Variants in ANKRD30B observed in about 807,000 individuals in gnomAD.
The protein encoded by ANKRD30B is ankyrin repeat domain-containing protein 30B.
Under a neutral mutation model 202.2 loss-of-function variants are expected in ANKRD30B, and 144 were observed. That is an observed-to-expected ratio of 0.71 (90% CI 0.62 to 0.82). The LOEUF (loss-of-function observed/expected upper bound fraction) is 0.82. ANKRD30B is among the 40% of genes least tolerant of loss of function. The pLI, the probability that ANKRD30B is intolerant of heterozygous loss-of-function variation, is 0.00. For missense variants in ANKRD30B, 1,487 were observed against 1,669.1 expected (o/e 0.89, Z 1.90); for synonymous variants, 508 against 561.3 (o/e 0.91, Z 1.34).
chr18:14,850,511 T>G, intron 41 of ANKRD30B, 129 bp downstream of exon 41: 1 of 993,098 alleles, frequency 1.0e-6, no homozygotes, highest in Non-Finnish European at 1.4e-6. Flanking sequence ...TAAAATTAAC[T>G]ATGACTTTTG....
chr18:14,876,849 T>C, the ANKRD30B span, among the ~76,000 whole-genome samples: 1 of 152,226 alleles, frequency 6.6e-6, no homozygotes, highest in Non-Finnish European at 1.5e-5. Context: ...GAGCTTTGTT[T>C]AGCCAGGTTT....
the ANKRD30B span, among the ~76,000 whole-genome samples, chr18:14,912,109 T>A: frequency 6.6e-6 from 1 of 152,180 alleles, no homozygotes; most frequent in South Asian, 2.1e-4. Flanking sequence ...GAATGTCTTT[T>A]GATTTATTTT....
chr18:14,759,183 G>T (rs1394695540), intron 5 of ANKRD30B: 1 of 152,176 alleles, frequency 6.6e-6, no homozygotes, highest in African/African-American at 2.4e-5. Flanking sequence ...TAAAAGTAGG[G>T]ATTTGTGCTG....
At chr18:14,820,574 G>C (rs889219370) in intron 30 of ANKRD30B, among the ~76,000 whole-genome samples, 10 of 147,780 alleles carry the variant, frequency 6.8e-5, no homozygotes, top group African/African-American at 1.6e-4. Context: ...TAGCATGAAG[G>C]GTTGTTGAAT....
chr18:14,910,276 T>C, the ANKRD30B span, among the ~76,000 whole-genome samples: 2 of 151,986 alleles, frequency 1.3e-5, no homozygotes, highest in African/African-American at 4.8e-5. Flanking sequence ...TATTATTCCA[T>C]CTGTATGTCT....
chr18:14,923,921 T>C, the ANKRD30B span, among the ~76,000 whole-genome samples: 1 of 152,218 alleles, frequency 6.6e-6, no homozygotes, highest in African/African-American at 2.4e-5. Context: ...GAAGACACTA[T>C]ATCACCTGTG....
chr18:14,833,038 G>C (rs1359491796), intron 34 of ANKRD30B, among the ~76,000 whole-genome samples: 1 of 151,554 alleles, frequency 6.6e-6, no homozygotes, highest in Non-Finnish European at 1.5e-5. Flanking sequence ...CTTGGTTCAA[G>C]TAATTCTCCT....
In ANKRD30B at chr18:14,850,907, C is replaced by T. The variant is rs1971855006; in HGVS notation, c.3564+525C>T. ...CTCAGAAGACTTGGAGAAAATCCTA[C>T]AACTTGATTATATTTTTAATCTTTT... On this transcript the variant is annotated intron_variant, in intron 41 of 43. Transcript: ENST00000690538. 2.6e-5 allele frequency among the ~76,000 whole-genome samples: 4 copies of T among 152,008 alleles called. No homozygotes were observed. In the South Asian group the frequency reaches 8.3e-4, roughly 31 times the overall value.
chr18:14,849,224 C>T (rs570919541), intron 40 of ANKRD30B, among the ~76,000 whole-genome samples: 302 of 151,878 alleles, frequency 2.0e-3, no homozygotes, highest in African/African-American at 7.1e-3. Context: ...ATTATAAATG[C>T]TACAAGACAT....
chr18:14,764,715 G>C (rs1313534745), intron 7 of ANKRD30B, among the ~76,000 whole-genome samples: 2 of 152,106 alleles, frequency 1.3e-5, no homozygotes, highest in East Asian at 3.9e-4. Flanking sequence ...TGGCTAATTA[G>C]CAACAGCTCC....
the ANKRD30B span, among the ~76,000 whole-genome samples, chr18:14,941,008 C>T: frequency 6.6e-6 from 1 of 152,118 alleles, no homozygotes; most frequent in African/African-American, 2.4e-5. Flanking sequence ...GGCTCTGGGA[C>T]TCTGTATGTG....
chr18:14,892,650 G>A, the ANKRD30B span, among the ~76,000 whole-genome samples: 1 of 144,946 alleles, frequency 6.9e-6, no homozygotes, highest in African/African-American at 2.5e-5. Context: ...TGAGGCAGGA[G>A]ACTTGCTTGA....
rs1916778360 is a variant in ANKRD30B at position 14,769,584 on chromosome 18, TG to T, written c.1256+212del. On this transcript the variant is annotated intron_variant, in intron 8 of 43. Transcript: ENST00000690538. ...ACAGGCAAATGTGGTTCAGAGAGGT[TG>T]ATTAATTGGCCTATGATTCATAGCT... Among the ~76,000 whole-genome samples, 3 of 152,202 alleles carry T rather than the reference TG, an allele frequency of 2.0e-5. No homozygotes were observed. In the South Asian group the frequency reaches 6.2e-4, roughly 32 times the overall value.
the ANKRD30B span, among the ~76,000 whole-genome samples, chr18:14,864,036 A>G: frequency 2.6e-5 from 4 of 152,256 alleles, no homozygotes; most frequent in Admixed American, 6.5e-5. Flanking sequence ...TGCAGAAAAA[A>G]ATATTCAATA....
At chr18:14,821,129 A>G (rs1317784998) in intron 30 of ANKRD30B, among the ~76,000 whole-genome samples, 1 of 152,128 alleles carries the variant, frequency 6.6e-6, no homozygotes, top group African/African-American at 2.4e-5. Context: ...TATTTATTCT[A>G]GATTTTCTAG....
At chr18:14,795,167 T>C (rs1378536568) in intron 16 of ANKRD30B, among the ~76,000 whole-genome samples, 2 of 152,272 alleles carry the variant, frequency 1.3e-5, no homozygotes, top group South Asian at 2.1e-4. Context: ...CTCTGGAAAT[T>C]GACATCTAGT....
intron 32 of ANKRD30B, among the ~76,000 whole-genome samples, chr18:14,824,188 G>T (rs1346265857): frequency 2.4e-5 from 3 of 123,120 alleles, no homozygotes; most frequent in South Asian, 3.1e-4. Flanking sequence ...CATAGTTTGC[G>T]ATTTTAACTC....
chr18:14,829,062 TC>T (rs1157907769), intron 33 of ANKRD30B, among the ~76,000 whole-genome samples: 2 of 152,134 alleles, frequency 1.3e-5, no homozygotes, highest in South Asian at 2.1e-4. Context: ...TCTTTTCTCT[TC>T]TTTCATGACT....
At chr18:14,890,576 G>A in the ANKRD30B span, among the ~76,000 whole-genome samples, 1 of 151,406 alleles carries the variant, frequency 6.6e-6, no homozygotes, top group Non-Finnish European at 1.5e-5. Flanking sequence ...TTATACCTGA[G>A]AAGTAGCAGA....
Sources: allele counts gnomAD v4.1 joint callset (sites outside exome capture counted in the v4.1 genomes callset), GRCh38; gene constraint gnomAD v4.1.1; transcripts MANE v1.5; gene names NCBI Gene and HGNC (gene_info 2026-07-23, HGNC 2026-07-21).